ST14: variants seen among roughly 807,000 people sequenced by gnomAD.
ST14 encodes the protein ST14 transmembrane serine protease matriptase.
ST14 carries 40 observed loss-of-function variants against 96.5 expected under a neutral mutation model. The observed-to-expected ratio is 0.41, with a 90% confidence interval of 0.32 to 0.54. The LOEUF is 0.54. ST14 is among the 20% of genes least tolerant of loss of function. The probability of loss-of-function intolerance (pLI) is 0.17; values close to 1 mark genes in which losing one functional copy is unlikely to be tolerated. For synonymous variants in ST14, 506 were observed against 492.1 expected (o/e 1.03, Z -0.37); for missense variants, 1,066 against 1,188.9 (o/e 0.90, Z 1.52).
rs1458710569 is a variant in ST14 at position 130,208,420 on chromosome 11, C to G, written c.2005C>G (p.Pro669Ala). ...GGCTCTCCCTACCAGGTACTCAGAC[C>G]CCACGCAGTGGACGGCCTTCCTGGG... ...IDDRGFRYSD[P>A]TQWTAFLGLH... The change falls in exon 17 of 19, where the codon CCC (proline) becomes GCC (alanine). Residue 669 changes from proline (P) to alanine (A), a missense_variant. By Grantham distance (27) the Pro-to-Ala change is conservative. Transcript: ENST00000278742. The G allele has an allele frequency of 6.2e-7, 1 of 1,613,962 alleles. No individual in the cohort carries two copies. The highest frequency in any genetic ancestry group is 1.3e-5 in the African/African-American group (1 of 74,954).
rs549185504 is a variant in ST14 at position 130,159,888 on chromosome 11, G to A, written c.-92G>A. On this transcript the variant is annotated 5_prime_UTR_variant, in exon 1 of 19. Coordinates refer to ENST00000278742, the MANE Select transcript of ST14 (RefSeq NM_021978.4). ...CGCTGGGCCTGCCCGGAATCCCGCC[G>A]CCTGCGCCCCGCGCCCCGCGCCCTG... 2.7e-6 allele frequency: 2 copies of A among 752,258 alleles called. No individual in the cohort carries two copies. Among genetic ancestry groups the A allele is most frequent in the Admixed American group, 9.7e-5 (2 of 20,716 alleles). 46.6% of individuals were successfully genotyped at this position (752,258 alleles called of 1,614,324 possible).
rs1293870177 is a variant in ST14 at position 130,159,918 on chromosome 11, C to G, written c.-62C>G. ...CGCCCCGCGCCCCGCGCCCTGCGGG[C>G]CATGGGAGCCGGCCGCCGGCAGGGA... On this transcript the variant is annotated 5_prime_UTR_variant, in exon 1 of 19. Coordinates refer to ENST00000278742, the MANE Select transcript of ST14 (RefSeq NM_021978.4). The G allele has an allele frequency of 1.9e-6, 2 of 1,080,516 alleles. No individual in the cohort carries two copies. The highest frequency in any genetic ancestry group is 3.3e-5 in the African/African-American group (2 of 60,300). 66.9% of individuals were successfully genotyped at this position (1,080,516 alleles called of 1,614,324 possible).
intron 1 of ST14, among the ~76,000 whole-genome samples, chr11:130,180,505 A>G (rs535797980): frequency 6.6e-6 from 1 of 152,220 alleles, no homozygotes; most frequent in South Asian, 2.1e-4. Flanking sequence ...GCCCTTCCCC[A>G]TTGCTTTTCT....
In ST14 at chr11:130,188,682, TGCTGGGCTGTGTGC is replaced by T. The variant is rs779079954; in HGVS notation, c.369+31_369+44del. 97 of 1,613,986 alleles carry T rather than the reference TGCTGGGCTGTGTGC, an allele frequency of 6.0e-5. No homozygotes were observed. On this transcript the variant is annotated intron_variant, in intron 3 of 18. Transcript: ENST00000278742. This position sits in a 1 kb window ranked among gnomAD's most constrained non-coding sequence, Gnocchi z 5.4. ...GGTGAGTGCAGCCTGCCCAGAGTCC[TGCTGGGCTGTGTGC>T]GCTGGTGTCCCACCTGCTGGGCAGG...
In ST14 at chr11:130,196,684, C is replaced by A; in HGVS notation, c.1338C>A (p.Ser446=). Reference sequence around the variant, plus strand: ...CCGGCTTCTTAGCTGAATACCTCTCCTACGACTCCAGTGACCGTGAGTGAA... The same window carrying A: ...CCGGCTTCTTAGCTGAATACCTCTCATACGACTCCAGTGACCGTGAGTGAA... ...TDTGFLAEYL[S]YDSSDPCPGQ... is the part of the protein sequence containing the mutation. The change falls in exon 11 of 19, where the codon TCC becomes TCA. Residue 446 remains serine, a synonymous_variant. Transcript: ENST00000278742. The A allele has an allele frequency of 6.2e-7, 1 of 1,614,230 alleles. No homozygotes were observed. Among genetic ancestry groups the A allele is most frequent in the Non-Finnish European group, 8.5e-7 (1 of 1,180,044 alleles).
intron 16 of ST14, among the ~76,000 whole-genome samples, chr11:130,201,504 A>C (rs532672748): frequency 6.6e-6 from 1 of 152,236 alleles, no homozygotes; most frequent in Admixed American, 6.5e-5. Context: ...TGGGTGATGG[A>C]GATGGACAGC....
In ST14 at chr11:130,209,870, C is replaced by A; in HGVS notation, c.*47C>A. ...GTACACCTGCGGGGCCACCCATCGT[C>A]CACCCCAGTGTGCACGCCTGCAGGC... On this transcript the variant is annotated 3_prime_UTR_variant, in exon 19 of 19. Transcript: ENST00000278742. 1 of 1,606,072 alleles carries A rather than the reference C, an allele frequency of 6.2e-7. No homozygotes were observed.
chr11:130,197,860 G>C lies in ST14; in HGVS notation c.1374G>C (p.Thr458=). The change falls in exon 12 of 19, where the codon ACG becomes ACC. Residue 458 remains threonine, a synonymous_variant. Coordinates refer to ENST00000278742, the MANE Select transcript of ST14 (RefSeq NM_021978.4). The part of the protein sequence containing the change: ...DSSDPCPGQF[T]CRTGRCIRKE... The stretch of plus-strand genomic sequence containing the variant: ...CCGCAGCATGCCCGGGGCAGTTCAC[G>C]TGCCGCACGGGGCGGTGTATCCGGA... 4 of 1,586,400 alleles carry C rather than the reference G, an allele frequency of 2.5e-6. No individual in the cohort carries two copies. Among genetic ancestry groups the C allele is most frequent in the Non-Finnish European group, 3.4e-6 (4 of 1,170,106 alleles).
intron 1 of ST14, among the ~76,000 whole-genome samples, chr11:130,170,209 G>A (rs1332367757): frequency 6.6e-6 from 1 of 152,176 alleles, no homozygotes; most frequent in Non-Finnish European, 1.5e-5. Flanking sequence ...ACCCCAGAGA[G>A]CCTGGGGGAC....
intron 9 of ST14, 121 bp from the exon 10 acceptor site, chr11:130,196,218 G>C (rs1259516900): frequency 2.6e-6 from 2 of 772,730 alleles, no homozygotes; most frequent in African/African-American, 1.7e-5. Flanking sequence ...TTTGCAACCT[G>C]TCTTGGTGAT....
At chr11:130,162,368 G>A (rs1214845007) in intron 1 of ST14, among the ~76,000 whole-genome samples, 1 of 152,198 alleles carries the variant, frequency 6.6e-6, no homozygotes, top group Non-Finnish European at 1.5e-5. Flanking sequence ...CAGGGAGCCT[G>A]CCTCCCTGAG....
intron 4 of ST14, chr11:130,189,211 T>A: frequency 1.8e-6 from 1 of 563,764 alleles, no homozygotes; most frequent in East Asian, 3.0e-5. Flanking sequence ...GATTCTTTGT[T>A]GTTTTTCCAA....
At chr11:130,179,200 T>C (rs193023056) in intron 1 of ST14, among the ~76,000 whole-genome samples, 2 of 152,364 alleles carry the variant, frequency 1.3e-5, no homozygotes, top group East Asian at 3.9e-4. Flanking sequence ...GCCCTGCTCC[T>C]GATGCATGAC....
chr11:130,196,953 G>A (rs913142338), intron 11 of ST14, among the ~76,000 whole-genome samples: 1 of 152,162 alleles, frequency 6.6e-6, no homozygotes, highest in African/African-American at 2.4e-5. Context: ...TGCGGCTGGA[G>A]ACGCCCCTCA....
At chr11:130,162,237 T>C (rs1216522508) in intron 1 of ST14, among the ~76,000 whole-genome samples, 1 of 152,136 alleles carries the variant, frequency 6.6e-6, no homozygotes, top group Non-Finnish European at 1.5e-5. Context: ...GCTGTTCCCA[T>C]CAAGTGTTCT....
Position 130,208,434 on chromosome 11 carries a change from G to A in ST14, c.2019G>A (p.Thr673=), listed in dbSNP as rs748453271. 1 of 1,614,090 alleles carries A rather than the reference G, an allele frequency of 6.2e-7. No individual in the cohort carries two copies. ...GFRYSDPTQW[T]AFLGLHDQSQ... is the part of the protein sequence containing the mutation. ...GGTACTCAGACCCCACGCAGTGGAC[G>A]GCCTTCCTGGGCTTGCACGACCAGA... The change falls in exon 17 of 19, where the codon ACG becomes ACA. Residue 673 remains threonine, a synonymous_variant. Transcript: ENST00000278742.
Position 130,188,904 on chromosome 11 carries a change from C to A in ST14, c.405C>A (p.Gly135=). ...TGTACAGCGGAGTCCCATTCCTGGG[C>A]CCCTACCACAAGGAGTCGGCTGTGA... ...KLLYSGVPFL[G]PYHKESAVTA... Residue 135 remains glycine (G), a synonymous_variant, in exon 4 of 19, where the codon GGC becomes GGA. Coordinates refer to ENST00000278742, the MANE Select transcript of ST14 (RefSeq NM_021978.4). This position sits in a 1 kb window ranked among gnomAD's most constrained non-coding sequence, Gnocchi z 5.4. 5 of 1,612,774 alleles carry A rather than the reference C, an allele frequency of 3.1e-6. No individual in the cohort carries two copies. The highest frequency in any genetic ancestry group is 4.2e-6 in the Non-Finnish European group (5 of 1,179,584).
chr11:130,162,915 A>G (rs966418511), intron 1 of ST14, among the ~76,000 whole-genome samples: 1 of 152,196 alleles, frequency 6.6e-6, no homozygotes, highest in Non-Finnish European at 1.5e-5. Flanking sequence ...CGCCTTGTCT[A>G]GCCACGTGAT....
At chr11:130,198,227 G>A in intron 12 of ST14, 81 bp from the exon 13 acceptor site, 2 of 1,344,278 alleles carry the variant, frequency 1.5e-6, no homozygotes, top group Non-Finnish European at 2.1e-6. Flanking sequence ...CGGTCCCCAG[G>A]TAGCTCTGAT....
Sources: allele counts gnomAD v4.1 joint callset (sites outside exome capture counted in the v4.1 genomes callset), GRCh38; gene constraint gnomAD v4.1.1; non-coding constraint Gnocchi (gnomAD v3.1); transcripts MANE v1.5; gene names NCBI Gene and HGNC (gene_info 2026-07-23, HGNC 2026-07-21).